PVALB: variants seen among roughly 807,000 people sequenced by gnomAD.
PVALB encodes parvalbumin, also known as parvalbumin alpha.
PVALB carries 11 observed loss-of-function variants against 10.9 expected under a neutral mutation model. The ratio of observed to expected loss-of-function variants is 1.01; its 90% CI spans 0.63 to 1.67. PVALB has a LOEUF of 1.67. PVALB is among the 40% of genes most tolerant of loss of function. The pLI is 0.00. For synonymous variants in PVALB, 57 were observed against 50.7 expected, an observed-to-expected ratio of 1.12 and a Z score of -0.53; for missense variants, 131 against 136.2, an observed-to-expected ratio of 0.96 and a Z score of 0.19.
At chr22:36,816,036 T>G (rs1031995074) in intron 1 of PVALB, among the ~76,000 whole-genome samples, 5 of 136,030 alleles carry the variant, frequency 3.7e-5, no homozygotes, top group African/African-American at 1.7e-4. Context: ...CAATGTTAGA[T>G]CATGTATTTT....
chr22:36,800,774 T>TG lies in PVALB; in HGVS notation c.*115dup. The TG allele has an allele frequency of 8.8e-7, 1 of 1,138,780 alleles. No individual in the cohort carries two copies. The highest frequency in any genetic ancestry group is 1.5e-5 in the African/African-American group (1 of 65,638). 70.5% of individuals were successfully genotyped at this position (1,138,780 alleles called of 1,614,324 possible). ...GGTGTCATTAGAGGGCCACAGGGGATGGGGGAGTAAAAAATAACATAAACG... is the reference window on the plus strand; with the variant it reads ...GGTGTCATTAGAGGGCCACAGGGGATGGGGGGAGTAAAAAATAACATAAACG... On this transcript the variant is annotated 3_prime_UTR_variant, in exon 4 of 4. Transcript: ENST00000417718.
intron 3 of PVALB, 71 bp from the exon 4 acceptor site, chr22:36,800,989 C>G: frequency 6.7e-7 from 1 of 1,486,984 alleles, no homozygotes; most frequent in Non-Finnish European, 9.4e-7. Flanking sequence ...CACCTGACTG[C>G]GGGGCCCTGG....
rs58451670 is a variant in PVALB, at chr22:36,809,855, GTT to G, written c.304+3789_304+3790del. Among the ~76,000 whole-genome samples, 25 of 122,066 alleles carry G rather than the reference GTT, an allele frequency of 2.0e-4. No homozygotes were observed. The South Asian group carries it at 4.2e-3, about 21-fold the overall frequency. The allele number at this position is 122,066 out of a possible 152,430, so 80.1% of individuals were successfully genotyped here. ...GCTAGTGATCTGCCCCATGTCCCATGTTTTTTTTTTTTTTTTTTGGTTTTTCG... is the reference window on the plus strand; with the variant it reads ...GCTAGTGATCTGCCCCATGTCCCATGTTTTTTTTTTTTTTTTGGTTTTTCG... On this transcript the variant is annotated intron_variant, in intron 3 of 3. Coordinates refer to ENST00000417718, the MANE Select transcript of PVALB (RefSeq NM_001315532.2).
chr22:36,816,674 G>A (rs556303843), intron 1 of PVALB, among the ~76,000 whole-genome samples: 1 of 152,320 alleles, frequency 6.6e-6, no homozygotes, highest in African/African-American at 2.4e-5. Flanking sequence ...CCCGGACCCT[G>A]AGTCCTCCCA....
intron 1 of PVALB, 117 bp downstream of exon 1, chr22:36,816,828 G>C: frequency 1.2e-6 from 1 of 843,150 alleles, no homozygotes. Flanking sequence ...GGCGCCCAGC[G>C]GGAAGTGTGG....
chr22:36,813,495 C>G (rs755597930), intron 3 of PVALB, 151 bp downstream of exon 3: 11 of 639,796 alleles, frequency 1.7e-5, no homozygotes, highest in African/African-American at 5.5e-5. Flanking sequence ...GCAGAGCTCT[C>G]AGACCTAATG....
chr22:36,804,164 C>T (rs1180855953), intron 3 of PVALB, among the ~76,000 whole-genome samples: 5 of 152,200 alleles, frequency 3.3e-5, no homozygotes, highest in Non-Finnish European at 7.3e-5. Context: ...CCCCTTCATC[C>T]TCACTCTGGA....
chr22:36,809,804 G>A (rs77048822), intron 3 of PVALB, among the ~76,000 whole-genome samples: 2,322 of 151,816 alleles, frequency 0.015, 54 homozygotes, highest in African/African-American at 0.05. Context: ...GTGAAATCCC[G>A]GGGCTGGAAC....
rs117173776 is a variant in PVALB at position 36,809,689 on chromosome 22, C to T, written c.304+3957G>A. On this transcript the variant is annotated intron_variant, in intron 3 of 3. Transcript: ENST00000417718. Reference sequence around the variant, plus strand: ...AGCACGGTGCCTGGCACATATTGAGCGCTCTATGAACTTAGATGCTATTGC... The same window carrying T: ...AGCACGGTGCCTGGCACATATTGAGTGCTCTATGAACTTAGATGCTATTGC... Among the ~76,000 whole-genome samples, 697 of 152,172 alleles carry T rather than the reference C, an allele frequency of 4.6e-3. 15 individuals are homozygous for T. Among genetic ancestry groups the T allele is most frequent in the East Asian group, 0.034 (177 of 5,184 alleles).
intron 3 of PVALB, chr22:36,811,513 C>T (rs775495603): frequency 1.9e-5 from 9 of 464,128 alleles, no homozygotes; most frequent in Non-Finnish European, 3.6e-5. Context: ...ACTCAGTCAA[C>T]ATCTGCTGGA....
chr22:36,813,618 G>T, intron 3 of PVALB, 28 bp downstream of exon 3: 1 of 1,554,504 alleles, frequency 6.4e-7, no homozygotes, highest in Non-Finnish European at 8.9e-7. Context: ...TCCACAATAT[G>T]CCCAGACCCC....
In PVALB at chr22:36,800,766, A is replaced by T. The variant is rs1938849318; in HGVS notation, c.*124T>A. 2 of 1,075,020 alleles carry T rather than the reference A, an allele frequency of 1.9e-6. No individual in the cohort carries two copies. Among genetic ancestry groups the T allele is most frequent in the Non-Finnish European group, 2.9e-6 (2 of 693,144 alleles). 66.6% of individuals were successfully genotyped at this position (1,075,020 alleles called of 1,614,324 possible). On this transcript the variant is annotated 3_prime_UTR_variant, in exon 4 of 4. Transcript: ENST00000417718. Reference sequence around the variant, plus strand: ...AGAAGAATGGTGTCATTAGAGGGCCACAGGGGATGGGGGAGTAAAAAATAA... The same window carrying T: ...AGAAGAATGGTGTCATTAGAGGGCCTCAGGGGATGGGGGAGTAAAAAATAA...
intron 3 of PVALB, among the ~76,000 whole-genome samples, chr22:36,807,218 A>G (rs1938964001): frequency 6.6e-6 from 1 of 152,192 alleles, no homozygotes; most frequent in African/African-American, 2.4e-5. Context: ...CGTTGGGCCA[A>G]GGACTTCTAT....
At chr22:36,819,330 C>G (rs1011772500), upstream of PVALB, 1 of 152,560 alleles carries the variant, frequency 6.6e-6, no homozygotes, top group South Asian at 2.1e-4. Context: ...ACCGCACCCC[C>G]CTCCCCGGGT....
chr22:36,816,875 GC>G, intron 1 of PVALB, 69 bp downstream of exon 1: 2 of 1,363,392 alleles, frequency 1.5e-6, no homozygotes, highest in South Asian at 1.3e-5. Flanking sequence ...CGGCTGCGGG[GC>G]CGGCGGAGTG....
At chr22:36,815,398 G>A in intron 1 of PVALB, 163 bp from the exon 2 acceptor site, 4 of 920,708 alleles carry the variant, frequency 4.3e-6, no homozygotes, top group Non-Finnish European at 6.5e-6. Flanking sequence ...CCGGGCAAGG[G>A]AGGATAACCT....
chr22:36,811,298 A>AATAAATAC (rs1939042813), intron 3 of PVALB, among the ~76,000 whole-genome samples: 1 of 151,676 alleles, frequency 6.6e-6, no homozygotes, highest in Non-Finnish European at 1.5e-5. Flanking sequence ...TAAATAAATA[A>AATAAATAC]ATAAATAAAT....
At chr22:36,809,674 C>G (rs1388580120) in intron 3 of PVALB, among the ~76,000 whole-genome samples, 1 of 152,108 alleles carries the variant, frequency 6.6e-6, no homozygotes, top group Non-Finnish European at 1.5e-5. Flanking sequence ...AGCACGGTGC[C>G]TGGCACATAT....
At chr22:36,810,932 G>A (rs1006169686) in intron 3 of PVALB, among the ~76,000 whole-genome samples, 53 of 152,284 alleles carry the variant, frequency 3.5e-4, no homozygotes, top group African/African-American at 1.3e-3. Flanking sequence ...TGGCACTATC[G>A]CTTGTTTGTG....
Sources: gnomAD v4.1 joint callset for allele counts (sites outside exome capture counted in the v4.1 genomes callset) on GRCh38, gnomAD v4.1.1 for gene constraint, MANE v1.5 for transcripts, NCBI Gene and HGNC (gene_info 2026-07-23, HGNC 2026-07-21) for gene names.